Variants in ZSWIM6 observed in about 807,000 individuals in gnomAD.
ZSWIM6 encodes the protein zinc finger SWIM domain-containing protein 6.
Under a neutral mutation model 113.2 loss-of-function variants are expected in ZSWIM6, and 9 were observed. That is an observed-to-expected ratio of 0.08 (90% CI 0.05 to 0.14). The LOEUF (loss-of-function observed/expected upper bound fraction) is 0.14, where lower values mean the gene tolerates loss of function less well. Ranked by LOEUF, ZSWIM6 falls within the 10% of genes least tolerant of loss-of-function variation. The pLI is 1.00. For synonymous variants in ZSWIM6, 611 were observed against 606.5 expected, an observed-to-expected ratio of 1.01 and a Z score of -0.11; for missense variants, 1,162 against 1,552.2, an observed-to-expected ratio of 0.75 and a Z score of 4.22.
Position 61,482,596 on chromosome 5 carries a change from G to A in ZSWIM6, c.1034-8190G>A, listed in dbSNP as rs151019628. On this transcript the variant is annotated intron_variant, in intron 2 of 13. Coordinates refer to ENST00000252744, the MANE Select transcript of ZSWIM6 (RefSeq NM_020928.2). ...AATTTCCTGGTCTATGATGTATAGG[G>A]TACATGTCTTATTCCTAAAATGTTG... Among the ~76,000 whole-genome samples the A allele has an allele frequency of 2.0e-3, 310 of 152,208 alleles. 3 individuals are homozygous for A. The highest frequency in any genetic ancestry group is 7.0e-3 in the African/African-American group (291 of 41,524).
chr5:61,474,684 A>G (rs1467301481), intron 2 of ZSWIM6, among the ~76,000 whole-genome samples: 1 of 152,216 alleles, frequency 6.6e-6, no homozygotes, highest in Non-Finnish European at 1.5e-5. Context: ...CATATTGGAC[A>G]GCACAGCTCT....
At chr5:61,366,353 G>A (rs1484018724) in intron 1 of ZSWIM6, among the ~76,000 whole-genome samples, 1 of 152,204 alleles carries the variant, frequency 6.6e-6, no homozygotes, top group African/African-American at 2.4e-5. Flanking sequence ...CCACGTTTTA[G>A]TGTGCTCCAG....
intron 10 of ZSWIM6, among the ~76,000 whole-genome samples, chr5:61,538,154 A>G (rs1478477141): frequency 1.3e-5 from 2 of 152,218 alleles, no homozygotes; most frequent in Admixed American, 6.5e-5. Context: ...ATCAGAAATC[A>G]CTCTGAATTT....
At chr5:61,336,609 A>T (rs1041915717) in intron 1 of ZSWIM6, among the ~76,000 whole-genome samples, 4 of 152,068 alleles carry the variant, frequency 2.6e-5, no homozygotes, top group Non-Finnish European at 4.4e-5. Flanking sequence ...AAATACAAAA[A>T]TTAGGCATCG....
intron 1 of ZSWIM6, among the ~76,000 whole-genome samples, chr5:61,405,964 T>C (rs573435058): frequency 4.6e-5 from 7 of 152,346 alleles, no homozygotes; most frequent in African/African-American, 1.7e-4. Flanking sequence ...TGTGGTCCTG[T>C]GAGGTCTGGA....
chr5:61,469,322 T>G (rs549530414), intron 1 of ZSWIM6, among the ~76,000 whole-genome samples: 1 of 152,182 alleles, frequency 6.6e-6, no homozygotes, highest in Non-Finnish European at 1.5e-5. Context: ...TGGTTGAAAT[T>G]TTTTGGGCAT....
At chr5:61,355,707 G>A (rs534332007) in intron 1 of ZSWIM6, among the ~76,000 whole-genome samples, 1 of 152,156 alleles carries the variant, frequency 6.6e-6, no homozygotes, top group Non-Finnish European at 1.5e-5. Context: ...GTCTGATGTG[G>A]TAGCCATGTG....
At chr5:61,378,755 C>T (rs908139928) in intron 1 of ZSWIM6, among the ~76,000 whole-genome samples, 3 of 151,964 alleles carry the variant, frequency 2.0e-5, no homozygotes, top group Non-Finnish European at 2.9e-5. Flanking sequence ...TGGGGTTTCT[C>T]ATATTGGTCA....
intron 1 of ZSWIM6, among the ~76,000 whole-genome samples, chr5:61,448,004 T>C (rs184786785): frequency 6.6e-6 from 1 of 152,328 alleles, no homozygotes; most frequent in East Asian, 1.9e-4. Flanking sequence ...AGGGGTCTGG[T>C]GTCTCATTAT....
chr5:61,429,114 G>T (rs1165365367), intron 1 of ZSWIM6, among the ~76,000 whole-genome samples: 1 of 152,200 alleles, frequency 6.6e-6, no homozygotes, highest in Non-Finnish European at 1.5e-5. Context: ...TGTGTGTTGG[G>T]GGGACAGTCA....
At chr5:61,502,529 T>C (rs937005367) in intron 4 of ZSWIM6, among the ~76,000 whole-genome samples, 3 of 152,196 alleles carry the variant, frequency 2.0e-5, no homozygotes, top group Non-Finnish European at 4.4e-5. Flanking sequence ...AAGATTGTTC[T>C]GGAGGAAAGG....
chr5:61,333,382 C>T (rs1042839424), intron 1 of ZSWIM6, among the ~76,000 whole-genome samples: 4 of 151,880 alleles, frequency 2.6e-5, no homozygotes, highest in African/African-American at 9.7e-5. Context: ...ACAATGCCGG[C>T]CGCGGCCCGG....
intron 1 of ZSWIM6, among the ~76,000 whole-genome samples, chr5:61,352,104 C>A (rs1004851534): frequency 6.6e-6 from 1 of 152,180 alleles, no homozygotes; most frequent in East Asian, 1.9e-4. Flanking sequence ...TCCTCTCCTG[C>A]CTTTCAGATG....
intron 1 of ZSWIM6, among the ~76,000 whole-genome samples, chr5:61,390,363 A>G (rs1745681363): frequency 6.6e-6 from 1 of 152,224 alleles, no homozygotes; most frequent in South Asian, 2.1e-4. Flanking sequence ...ATTGTACTCA[A>G]ATCATAATTT....
At chr5:61,431,680 G>A (rs1002017384) in intron 1 of ZSWIM6, among the ~76,000 whole-genome samples, 1 of 151,844 alleles carries the variant, frequency 6.6e-6, no homozygotes, top group African/African-American at 2.4e-5. Context: ...GGGAGGCGGA[G>A]CTTGCAGTGA....
Position 61,526,300 on chromosome 5 carries a change from T to C in ZSWIM6, c.1741T>C (p.Tyr581His). The change falls in exon 7 of 14, where the codon TAC (tyrosine) becomes CAC (histidine). Residue 581 changes from tyrosine (Y) to histidine (H), a missense_variant. Physicochemically the swap from Tyr to His is moderately conservative, Grantham distance 83 (BLOSUM62 2). Around this residue, in one of 4 missense-constraint regions of ZSWIM6, gnomAD observed 620 missense variants for 804.6 expected, o/e 0.77. Coordinates refer to ENST00000252744, the MANE Select transcript of ZSWIM6 (RefSeq NM_020928.2). The stretch of plus-strand genomic sequence containing the variant: ...AGTGGACGCATTACGTTCTCATGGG[T>C]ACCCCAGAGAAGCACTGAGACTAGC... ...ARVDALRSHGYPREALRLAIA... is the reference protein window; with the variant it reads ...ARVDALRSHGHPREALRLAIA... The C allele has an allele frequency of 2.6e-6, 4 of 1,551,948 alleles. No homozygotes were observed. Among genetic ancestry groups the C allele is most frequent in the Non-Finnish European group, 3.5e-6 (4 of 1,147,028 alleles).
At chr5:61,513,765 T>A (rs1748856281) in intron 4 of ZSWIM6, among the ~76,000 whole-genome samples, 1 of 152,100 alleles carries the variant, frequency 6.6e-6, no homozygotes, top group African/African-American at 2.4e-5. Flanking sequence ...AACCTTGAAT[T>A]GACTATATTT....
At chr5:61,540,968 G>T (rs1749719184) in intron 12 of ZSWIM6, among the ~76,000 whole-genome samples, 1 of 141,618 alleles carries the variant, frequency 7.1e-6, no homozygotes. Context: ...TTTTCAGATG[G>T]AGTCTCACTC....
intron 4 of ZSWIM6, among the ~76,000 whole-genome samples, chr5:61,514,630 A>G (rs1486264904): frequency 6.6e-6 from 1 of 152,124 alleles, no homozygotes. Flanking sequence ...TGTTGAGATT[A>G]TTATATGGTT....
Sources: allele counts gnomAD v4.1 joint callset (sites outside exome capture counted in the v4.1 genomes callset), GRCh38; gene constraint gnomAD v4.1.1; regional missense constraint gnomAD v4.1.1; transcripts MANE v1.5; gene names NCBI Gene and HGNC (gene_info 2026-07-23, HGNC 2026-07-21).